MED27: variants seen among roughly 807,000 people sequenced by gnomAD.
The protein encoded by MED27 is mediator of RNA polymerase II transcription subunit 27.
Under a neutral mutation model 38.2 loss-of-function variants are expected in MED27, and 30 were observed. That is an observed-to-expected ratio of 0.79 (90% CI 0.59 to 1.07). MED27 has a LOEUF of 1.07. MED27 is among the 50% of genes least tolerant of loss of function. MED27 has a pLI of 0.00. For synonymous variants in MED27, 122 were observed against 153.5 expected (o/e 0.79, Z 1.52); for missense variants, 289 against 397.5 (o/e 0.73, Z 2.32).
intron 3 of MED27, among the ~76,000 whole-genome samples, chr9:131,979,909 C>T (rs1564310100): frequency 6.6e-6 from 1 of 151,918 alleles, no homozygotes; most frequent in African/African-American, 2.4e-5. Flanking sequence ...CCTTAGGCTA[C>T]TTGGTTTGCC....
intron 4 of MED27, among the ~76,000 whole-genome samples, chr9:131,906,436 T>C (rs925665891): frequency 8.6e-6 from 1 of 116,858 alleles, no homozygotes; most frequent in African/African-American, 3.1e-5. Context: ...AGGCCTGGCA[T>C]CCTAGGAACA....
intron 5 of MED27, among the ~76,000 whole-genome samples, chr9:131,892,444 C>T (rs910594269): frequency 3.3e-5 from 5 of 152,166 alleles, no homozygotes; most frequent in East Asian, 3.8e-4. Context: ...AATTTCCACT[C>T]CTTCTTATGA....
At chr9:132,001,630 T>C (rs768014749) in intron 3 of MED27, among the ~76,000 whole-genome samples, 2 of 152,200 alleles carry the variant, frequency 1.3e-5, no homozygotes, top group East Asian at 3.8e-4. Context: ...ATGATTGGCA[T>C]TGATGATACC....
At chr9:131,960,747 A>T (rs1831198744) in intron 3 of MED27, among the ~76,000 whole-genome samples, 1 of 152,230 alleles carries the variant, frequency 6.6e-6, no homozygotes, top group Non-Finnish European at 1.5e-5. Context: ...GAACACAGGT[A>T]TACAAAGCCT....
intron 3 of MED27, among the ~76,000 whole-genome samples, chr9:131,956,411 T>C (rs1185668592): frequency 1.3e-5 from 2 of 151,918 alleles, no homozygotes; most frequent in Non-Finnish European, 2.9e-5. Flanking sequence ...AGGTCAGGAG[T>C]CTGAGACCAG....
intron 2 of MED27, among the ~76,000 whole-genome samples, chr9:132,070,499 G>A (rs1347709033): frequency 6.6e-6 from 1 of 152,190 alleles, no homozygotes; most frequent in Admixed American, 6.5e-5. Flanking sequence ...TGAAGCTGCA[G>A]TGAACCATGA....
intron 6 of MED27, among the ~76,000 whole-genome samples, chr9:131,878,562 C>T (rs1838978671): frequency 6.6e-6 from 1 of 152,108 alleles, no homozygotes; most frequent in African/African-American, 2.4e-5. Context: ...CTTGGCCTCT[C>T]TCTTGATGTC....
In MED27 at chr9:131,939,478, C is replaced by T. The variant is rs775934222; in HGVS notation, c.480-4G>A. 4.4e-6 allele frequency: 7 copies of T among 1,591,688 alleles called. No homozygotes were observed. The Admixed American group carries it at 1.1e-4, about 24-fold the overall frequency. ...GCTGATCACATCATCAACATATCTA[C>T]ATGGGAAAAAAATAAACATGTGTGA... On this transcript the variant is annotated splice_region_variant and splice_polypyrimidine_tract_variant and intron_variant, in intron 3 of 7. Coordinates refer to ENST00000292035, the MANE Select transcript of MED27 (RefSeq NM_004269.4).
chr9:131,988,539 T>C (rs905049403), intron 3 of MED27, among the ~76,000 whole-genome samples: 1 of 152,220 alleles, frequency 6.6e-6, no homozygotes, highest in Non-Finnish European at 1.5e-5. Flanking sequence ...TTCCTTATGA[T>C]TTTCTTAGTA....
chr9:132,045,900 T>C (rs753550420), intron 2 of MED27, among the ~76,000 whole-genome samples: 13 of 152,206 alleles, frequency 8.5e-5, no homozygotes, highest in Non-Finnish European at 1.3e-4. Context: ...TCTTCACTAC[T>C]TCCTCCAGGT....
chr9:131,892,669 C>A (rs1589190119), intron 5 of MED27, among the ~76,000 whole-genome samples: 3 of 152,260 alleles, frequency 2.0e-5, no homozygotes, highest in Middle Eastern at 6.8e-3. Flanking sequence ...AATGCCACTG[C>A]CCATGGTCTC....
intron 6 of MED27, among the ~76,000 whole-genome samples, chr9:131,881,272 C>T (rs1212837076): frequency 6.6e-6 from 1 of 152,174 alleles, no homozygotes; most frequent in African/African-American, 2.4e-5. Context: ...AAGGCTGAGA[C>T]TTTTTGCATG....
In MED27 at chr9:131,872,821, G is replaced by A. The variant is rs1008095525; in HGVS notation, c.724-9681C>T. On this transcript the variant is annotated intron_variant, in intron 6 of 7. Transcript: ENST00000292035. The surrounding 1 kb of genome is among the most constrained non-coding windows in gnomAD (Gnocchi z 5.6). ...AGGAACCCACCTGCTGCCCTGATGC[G>A]ATGGCACCCTCAGGTGGGCCTCAGA... Among the ~76,000 whole-genome samples, 1 of 152,206 alleles carries A rather than the reference G, an allele frequency of 6.6e-6. No homozygotes were observed. Among genetic ancestry groups the A allele is most frequent in the African/African-American group, 2.4e-5 (1 of 41,440 alleles).
chr9:131,865,620 C>T lies in MED27; in HGVS notation c.724-2480G>A, dbSNP rs888235416. 5.3e-5 allele frequency among the ~76,000 whole-genome samples: 8 copies of T among 152,294 alleles called. No individual in the cohort carries two copies. The East Asian group carries it at 5.8e-4, about 11-fold the overall frequency. On this transcript the variant is annotated intron_variant, in intron 6 of 7. Coordinates refer to ENST00000292035, the MANE Select transcript of MED27 (RefSeq NM_004269.4). The stretch of plus-strand genomic sequence containing the variant: ...GCAGCTGGGCTGGCTTTGTTTGCTC[C>T]GGCCCTGCTGTTCCGTAGCTCCGTG...
chr9:131,922,162 A>G (rs1830404335), intron 4 of MED27, among the ~76,000 whole-genome samples: 1 of 152,044 alleles, frequency 6.6e-6, no homozygotes, highest in South Asian at 2.1e-4. Context: ...CCTAGAACTT[A>G]AAGTATAATA....
At chr9:131,868,892 G>A (rs967840750) in intron 6 of MED27, 41 of 985,366 alleles carry the variant, frequency 4.2e-5, no homozygotes, top group Middle Eastern at 5.2e-4. Flanking sequence ...AGGGTAGCAC[G>A]AACTGAATTC....
At chr9:132,054,206 G>A (rs1248114382) in intron 2 of MED27, among the ~76,000 whole-genome samples, 2 of 152,078 alleles carry the variant, frequency 1.3e-5, no homozygotes, top group Non-Finnish European at 2.9e-5. Context: ...GATCCCTCAT[G>A]GCTTGGTGCT....
In MED27 at chr9:131,973,089, TC is replaced by T. The variant is rs1474263800; in HGVS notation, c.480-33616del. Among the ~76,000 whole-genome samples the T allele has an allele frequency of 6.6e-5, 10 of 152,346 alleles. No individual in the cohort carries two copies. In the East Asian group the frequency reaches 1.9e-3, roughly 29 times the overall value. ...AACTGACATTAATCATGAACCATCTTCCTGTCACCAATTCCTACCTAGAAGA... is the reference window on the plus strand; with the variant it reads ...AACTGACATTAATCATGAACCATCTTCTGTCACCAATTCCTACCTAGAAGA... On this transcript the variant is annotated intron_variant, in intron 3 of 7. Transcript: ENST00000292035.
chr9:131,939,552 T>C (rs774091216), intron 3 of MED27, 78 bp from the exon 4 acceptor site: 2 of 822,602 alleles, frequency 2.4e-6, no homozygotes, highest in Non-Finnish European at 3.6e-6. Context: ...CAAAAGACAT[T>C]GCTTTTAAAT....
Sources: allele counts gnomAD v4.1 joint callset (sites outside exome capture counted in the v4.1 genomes callset), GRCh38; gene constraint gnomAD v4.1.1; non-coding constraint Gnocchi (gnomAD v3.1); transcripts MANE v1.5; gene names NCBI Gene and HGNC (gene_info 2026-07-23, HGNC 2026-07-21).